The following RNF34 variants were observed in gnomAD, a reference collection of about 807,000 sequenced individuals.
The protein encoded by RNF34 is ring finger protein 34.
RNF34 carries 12 observed loss-of-function variants against 37.9 expected under a neutral mutation model. The observed-to-expected ratio is 0.32, with a 90% CI of 0.20 to 0.51. RNF34 has a LOEUF of 0.51. RNF34 is among the 20% of genes least tolerant of loss of function. The pLI, the probability that RNF34 is intolerant of heterozygous loss-of-function variation, is 0.97. For synonymous variants in RNF34, 155 were observed against 177.2 expected (o/e 0.87, Z 1.00); for missense variants, 362 against 472.7 (o/e 0.77, Z 2.17).
intron 5 of RNF34, among the ~76,000 whole-genome samples, chr12:121,421,645 C>G (rs1872174176): frequency 6.6e-6 from 1 of 151,810 alleles, no homozygotes; most frequent in Admixed American, 6.6e-5. Flanking sequence ...CATTTATGGA[C>G]AAGAAAAAAT....
chr12:121,420,799 T>C lies in RNF34; in HGVS notation c.928+21T>C, dbSNP rs1555283241. 3 of 1,579,996 alleles carry C rather than the reference T, an allele frequency of 1.9e-6. No individual in the cohort carries two copies. In the South Asian group the frequency reaches 3.3e-5, roughly 18 times the overall value. On this transcript the variant is annotated intron_variant, in intron 5 of 5. Coordinates refer to ENST00000361234, the MANE Select transcript of RNF34 (RefSeq NM_025126.4). ...GTCCTGTAGGTTTATCTTTTCATTT[T>C]TTCCCTGTAGTATTTTTCCTTAGGC...
intron 1 of RNF34, among the ~76,000 whole-genome samples, chr12:121,405,510 G>A (rs544505005): frequency 6.6e-6 from 1 of 152,028 alleles, no homozygotes; most frequent in Non-Finnish European, 1.5e-5. Context: ...TTGAGACAGG[G>A]TCTTGCTCTG....
rs1440761519 is a variant in RNF34, at chr12:121,420,347, A to G, written c.726+13A>G. The stretch of plus-strand genomic sequence containing the variant: ...CGCAGAGGATCGGGTGAGGCCACCT[A>G]TAAAATTTGGTTTCCCTGACATGTC... On this transcript the variant is annotated intron_variant, in intron 4 of 5. Coordinates refer to ENST00000361234, the MANE Select transcript of RNF34 (RefSeq NM_025126.4). The G allele has an allele frequency of 5.1e-6, 8 of 1,556,686 alleles. No individual in the cohort carries two copies. The highest frequency in any genetic ancestry group is 1.7e-4 in the Middle Eastern group (1 of 5,988).
Position 121,420,779 on chromosome 12 carries a change from G to T in RNF34, c.928+1G>T. 2 of 1,606,216 alleles carry T rather than the reference G, an allele frequency of 1.2e-6. No individual in the cohort carries two copies. Among genetic ancestry groups the T allele is most frequent in the South Asian group, 1.1e-5 (1 of 90,898 alleles). On this transcript the variant is annotated splice_donor_variant, in intron 5 of 5. Transcript: ENST00000361234. LOFTEE classifies it high-confidence loss of function. ...GAGAATGAAGAAAACCAAAAGTCCT[G>T]TAGGTTTATCTTTTCATTTTTTCCC... is the stretch of plus-strand genomic sequence containing the variant.
At chr12:121,401,864 C>A (rs1202501286) in intron 1 of RNF34, among the ~76,000 whole-genome samples, 1 of 152,116 alleles carries the variant, frequency 6.6e-6, no homozygotes, top group Non-Finnish European at 1.5e-5. Flanking sequence ...TTTTCAGAAG[C>A]AAAATATGGA....
At chr12:121,406,027 T>C (rs1276201530) in intron 1 of RNF34, among the ~76,000 whole-genome samples, 3 of 149,254 alleles carry the variant, frequency 2.0e-5, no homozygotes, top group Non-Finnish European at 4.4e-5. Flanking sequence ...TCTCCTGACC[T>C]TGTGATCTGC....
Position 121,420,617 on chromosome 12 carries a change from C to T in RNF34, c.767C>T (p.Ser256Phe). Residue 256 changes from serine to phenylalanine, a missense_variant, in exon 5 of 6, where the codon TCT (serine) becomes TTT (phenylalanine). By Grantham distance (155) the Ser-to-Phe change is radical (BLOSUM62 -2). Transcript: ENST00000361234. ...AAGGAGAGAGTGAGAGCTTCACTGTCTGACTTGTCAAGCCTTGATGATGTG... is the reference window on the plus strand; with the variant it reads ...AAGGAGAGAGTGAGAGCTTCACTGTTTGACTTGTCAAGCCTTGATGATGTG... ...LSKERVRASL[S>F]DLSSLDDVEG... 1.2e-6 allele frequency: 2 copies of T among 1,614,174 alleles called. No homozygotes were observed. The highest frequency in any genetic ancestry group is 2.2e-5 in the South Asian group (2 of 91,078).
intron 1 of RNF34, among the ~76,000 whole-genome samples, chr12:121,408,283 A>T (rs1870741080): frequency 6.6e-6 from 1 of 152,144 alleles, no homozygotes; most frequent in South Asian, 2.1e-4. Context: ...TCTACTAAAA[A>T]TACAAAAAAT....
intron 3 of RNF34, chr12:121,420,000 G>T: frequency 2.5e-6 from 1 of 405,340 alleles, no homozygotes; most frequent in Non-Finnish European, 4.6e-6. Flanking sequence ...TAATACTCTG[G>T]TTAGATTTTA....
chr12:121,401,354 CAA>C (rs563285897), intron 1 of RNF34, among the ~76,000 whole-genome samples: 3,200 of 76,738 alleles, frequency 0.042, 114 homozygotes, highest in African/African-American at 0.14. Context: ...CTATAGGTAT[CAA>C]AAAAAAAAAA....
At chr12:121,412,447 G>A (rs1324714573) in intron 1 of RNF34, among the ~76,000 whole-genome samples, 1 of 151,750 alleles carries the variant, frequency 6.6e-6, no homozygotes, top group African/African-American at 2.4e-5. Context: ...GTTTCACCGT[G>A]TCAGCCAGGA....
Position 121,400,147 on chromosome 12 carries a change from A to G in RNF34, c.-66A>G, listed in dbSNP as rs1344861546. On this transcript the variant is annotated 5_prime_UTR_variant, in exon 1 of 6. Transcript: ENST00000361234. The stretch of plus-strand genomic sequence containing the variant: ...ACCGCCCAGAGGGAAGGAGGTCGGC[A>G]GTGTGAGGAGCTGCTATGGTGCTGA... 5 of 1,576,500 alleles carry G rather than the reference A, an allele frequency of 3.2e-6. No homozygotes were observed. The highest frequency in any genetic ancestry group is 1.4e-5 in the African/African-American group (1 of 73,948).
chr12:121,411,518 T>G (rs1871058198), intron 1 of RNF34, among the ~76,000 whole-genome samples: 1 of 152,240 alleles, frequency 6.6e-6, no homozygotes, highest in African/African-American at 2.4e-5. Flanking sequence ...CCTAATTCAT[T>G]GTAAAACTAT....
chr12:121,416,501 G>C (rs782669486), intron 2 of RNF34, 124 bp downstream of exon 2: 1 of 694,572 alleles, frequency 1.4e-6, no homozygotes, highest in Non-Finnish European at 2.4e-6. Flanking sequence ...AGTTCCATTA[G>C]CCATTTTCCA....
At chr12:121,420,417 A>C in intron 4 of RNF34, 83 bp downstream of exon 4, 1 of 1,551,784 alleles carries the variant, frequency 6.4e-7, no homozygotes, top group Non-Finnish European at 8.7e-7. Context: ...TCGCTAGATT[A>C]GTACAGGATG....
chr12:121,404,019 C>CT lies in RNF34; in HGVS notation c.6+3815dup, dbSNP rs1283817623. ...ACTTAGATCATTTAGTTTTCTGTTT[C>CT]TTTTTTTTTTTTTTGAGATGGAATC... On this transcript the variant is annotated intron_variant, in intron 1 of 5. Transcript: ENST00000361234. Among the ~76,000 whole-genome samples the CT allele has an allele frequency of 9.5e-3, 1,346 of 141,646 alleles. 23 individuals are homozygous for CT. Among genetic ancestry groups the CT allele is most frequent in the Admixed American group, 0.018 (246 of 14,034 alleles). 92.9% of individuals were successfully genotyped at this position (141,646 alleles called of 152,430 possible).
chr12:121,421,241 G>C (rs1872098769), intron 5 of RNF34, among the ~76,000 whole-genome samples: 1 of 151,860 alleles, frequency 6.6e-6, no homozygotes, highest in Non-Finnish European at 1.5e-5. Context: ...CTGAGGTTAA[G>C]AACTTCTGAA....
At position 121,416,301 on chromosome 12, in the gene RNF34, A is replaced by C. The variant is rs1210312662; in HGVS notation, c.149A>C (p.Tyr50Ser). ...ACACCAAACCCTGAGTTTTCCACCT[A>C]CCCACCAGCAGCTACGGAAGGGCCC... Reference protein sequence around the residue: ...RFTPNPEFSTYPPAATEGPNI... With the variant: ...RFTPNPEFSTSPPAATEGPNI... The change falls in exon 2 of 6, where the codon TAC (tyrosine) becomes TCC (serine). Residue 50 changes from tyrosine (Y) to serine (S), a missense_variant. Tyr to Ser is a moderately radical substitution (Grantham distance 144). Transcript: ENST00000361234. The C allele has an allele frequency of 6.2e-7, 1 of 1,613,990 alleles. No individual in the cohort carries two copies. The highest frequency in any genetic ancestry group is 2.2e-5 in the East Asian group (1 of 44,882).
At position 121,420,919 on chromosome 12, in the gene RNF34, C is replaced by T. The variant is rs927477428; in HGVS notation, c.928+141C>T. 6 of 650,756 alleles carry T rather than the reference C, an allele frequency of 9.2e-6. No individual in the cohort carries two copies. In the African/African-American group the frequency reaches 1.1e-4, roughly 12 times the overall value. 40.3% of individuals were successfully genotyped at this position (650,756 alleles called of 1,614,324 possible). Reference sequence around the variant, plus strand: ...ACTGAGTATCAGTTAGTTACATGAGCCTGTTTATAGATCTGGAAAGGAGTA... The same window carrying T: ...ACTGAGTATCAGTTAGTTACATGAGTCTGTTTATAGATCTGGAAAGGAGTA... On this transcript the variant is annotated intron_variant, in intron 5 of 5. Coordinates refer to ENST00000361234, the MANE Select transcript of RNF34 (RefSeq NM_025126.4).
Sources: allele counts gnomAD v4.1 joint callset (sites outside exome capture counted in the v4.1 genomes callset), GRCh38; gene constraint gnomAD v4.1.1; transcripts MANE v1.5; gene names NCBI Gene and HGNC (gene_info 2026-07-23, HGNC 2026-07-21).